EFCAB3: variants seen among roughly 807,000 people sequenced by gnomAD.
EFCAB3 encodes the protein EF-hand calcium-binding domain-containing protein 3.
Under a neutral mutation model 42.2 loss-of-function variants are expected in EFCAB3, and 36 were observed. The observed-to-expected ratio is 0.85, with a 90% CI of 0.65 to 1.13. The LOEUF is 1.13. EFCAB3 is among the 50% of genes most tolerant of loss of function. The pLI is 0.00. For synonymous variants in EFCAB3, 170 were observed against 172.8 expected (o/e 0.98, Z 0.13); for missense variants, 418 against 505.1 (o/e 0.83, Z 1.65).
chr17:62,406,396 C>A, intron 6 of EFCAB3, 84 bp from the exon 7 acceptor site: 3 of 1,098,302 alleles, frequency 2.7e-6, no homozygotes, highest in South Asian at 1.7e-5. Context: ...GTTTCTTCAG[C>A]ATATGTAACT....
At chr17:62,409,090 C>T (rs2070472741) in intron 8 of EFCAB3, among the ~76,000 whole-genome samples, 1 of 152,174 alleles carries the variant, frequency 6.6e-6, no homozygotes, top group South Asian at 2.1e-4. Context: ...CAGAGTCTTG[C>T]TCTGTTGCCC....
intron 2 of EFCAB3, among the ~76,000 whole-genome samples, chr17:62,375,529 A>G (rs189319383): frequency 4.8e-4 from 73 of 152,370 alleles, no homozygotes; most frequent in Non-Finnish European, 6.9e-4. Flanking sequence ...CCACTCTCAC[A>G]AAAGCTTAGT....
At chr17:62,397,860 T>C (rs563823583) in intron 6 of EFCAB3, 31 of 270,072 alleles carry the variant, frequency 1.1e-4, no homozygotes, top group Non-Finnish European at 1.4e-4. Flanking sequence ...CCGTCTCTAC[T>C]AAAAATTTAA....
chr17:62,383,042 C>T lies in EFCAB3; in HGVS notation c.63C>T (p.Ser21=). ...KLNPLTKVPI[S]HNKRDRDLPG... is the part of the protein sequence containing the mutation. ...ATCCTCTAACAAAAGTACCCATCTCCCACAATAAAAGGTAGGTAATGAATG... is the reference window on the plus strand; with the variant it reads ...ATCCTCTAACAAAAGTACCCATCTCTCACAATAAAAGGTAGGTAATGAATG... Residue 21 remains serine, a synonymous_variant, in exon 2 of 10, where the codon TCC becomes TCT. Coordinates refer to ENST00000305286, the MANE Select transcript of EFCAB3 (RefSeq NM_173503.4). 6.2e-7 allele frequency: 1 copy of T among 1,612,554 alleles called. No individual in the cohort carries two copies. Among genetic ancestry groups the T allele is most frequent in the Middle Eastern group, 1.7e-4 (1 of 6,054 alleles).
chr17:62,412,311 G>A (rs1336333393), intron 8 of EFCAB3, among the ~76,000 whole-genome samples: 1 of 146,102 alleles, frequency 6.8e-6, no homozygotes, highest in Admixed American at 7.0e-5. Flanking sequence ...GGGAGGCAAA[G>A]GTTGCAGTGA....
At chr17:62,392,469 G>A (rs1340842260) in intron 4 of EFCAB3, among the ~76,000 whole-genome samples, 3 of 152,060 alleles carry the variant, frequency 2.0e-5, no homozygotes, top group Non-Finnish European at 2.9e-5. Flanking sequence ...CTGTCCTGAT[G>A]TACAAAAGCA....
rs1418906400 is a variant in EFCAB3 at position 62,402,518 on chromosome 17, G to A, written c.489-3962G>A. Among the ~76,000 whole-genome samples the A allele has an allele frequency of 4.6e-5, 7 of 151,950 alleles. No homozygotes were observed. The South Asian group carries it at 8.3e-4, about 18-fold the overall frequency. On this transcript the variant is annotated intron_variant, in intron 6 of 9. Coordinates refer to ENST00000305286, the MANE Select transcript of EFCAB3 (RefSeq NM_173503.4). Reference sequence around the variant, plus strand: ...GCATGAAGCGCTGTTGAATTTTGTCGAAGGCCTTTTCTGCATCTATTGAGA... The same window carrying A: ...GCATGAAGCGCTGTTGAATTTTGTCAAAGGCCTTTTCTGCATCTATTGAGA...
intron 1 of EFCAB3, chr17:62,373,730 C>A (rs1031040755): frequency 1.3e-6 from 1 of 759,966 alleles, no homozygotes. Flanking sequence ...AGAATTTCAG[C>A]CTATTATATT....
At chr17:62,411,902 AAGGG>A (rs199538382) in intron 8 of EFCAB3, among the ~76,000 whole-genome samples, 1,912 of 5,234 alleles carry the variant, frequency 0.37, 183 homozygotes, top group East Asian at 0.59. Context: ...GGAAGGAAGG[AAGGG>A]AGGGAGGGAG....
chr17:62,372,916 T>C (rs2070124156), intron 1 of EFCAB3, among the ~76,000 whole-genome samples: 1 of 152,198 alleles, frequency 6.6e-6, no homozygotes, highest in Non-Finnish European at 1.5e-5. Context: ...AAATACCTTG[T>C]TCCTTCTTAT....
At chr17:62,409,267 G>A (rs2070474475) in intron 8 of EFCAB3, among the ~76,000 whole-genome samples, 1 of 152,146 alleles carries the variant, frequency 6.6e-6, no homozygotes, top group African/African-American at 2.4e-5. Flanking sequence ...ATGTTGGTCA[G>A]GCTGGTCTCA....
chr17:62,374,292 C>T (rs2070134314), intron 2 of EFCAB3, among the ~76,000 whole-genome samples: 1 of 152,114 alleles, frequency 6.6e-6, no homozygotes, highest in Admixed American at 6.6e-5. Context: ...GAAACCTCAT[C>T]TCTACTAAAA....
At chr17:62,412,788 T>C (rs960591426) in intron 8 of EFCAB3, among the ~76,000 whole-genome samples, 7 of 151,774 alleles carry the variant, frequency 4.6e-5, no homozygotes, top group African/African-American at 1.7e-4. Context: ...GTCTCAATTA[T>C]TAAAACAGTA....
At chr17:62,371,064 C>T (rs759739105) in intron 1 of EFCAB3, among the ~76,000 whole-genome samples, 33 of 151,148 alleles carry the variant, frequency 2.2e-4, no homozygotes, top group Non-Finnish European at 2.4e-4. Flanking sequence ...TGCATTCCAG[C>T]CTGGGCAACA....
chr17:62,411,767 CTAAA>C (rs1344888734), intron 8 of EFCAB3, among the ~76,000 whole-genome samples: 1 of 127,442 alleles, frequency 7.8e-6, no homozygotes, highest in Non-Finnish European at 1.6e-5. Flanking sequence ...CACTCTGTCT[CTAAA>C]GAAAGAAAGA....
upstream of EFCAB3, among the ~76,000 whole-genome samples, chr17:62,376,178 T>C (rs552786334): frequency 1.3e-5 from 2 of 152,228 alleles, no homozygotes; most frequent in African/African-American, 2.4e-5. Context: ...TTTTCACTTA[T>C]AAAGTTTTCT....
At chr17:62,377,560 A>G (rs2070160773), upstream of EFCAB3, among the ~76,000 whole-genome samples, 2 of 152,342 alleles carry the variant, frequency 1.3e-5, no homozygotes, top group South Asian at 4.1e-4. Flanking sequence ...CACATATTTG[A>G]TAGGATAATT....
At chr17:62,386,342 A>G (rs1365308867) in intron 2 of EFCAB3, among the ~76,000 whole-genome samples, 1 of 152,124 alleles carries the variant, frequency 6.6e-6, no homozygotes, top group Non-Finnish European at 1.5e-5. Flanking sequence ...TCCTCAATAA[A>G]TGAAAGGTCA....
At chr17:62,406,945 C>T in intron 7 of EFCAB3, 83 bp from the exon 8 acceptor site, 1 of 1,435,578 alleles carries the variant, frequency 7.0e-7, no homozygotes, top group Non-Finnish European at 9.4e-7. Context: ...ATAGACAAAG[C>T]AAAACAGGCA....
Sources: allele counts gnomAD v4.1 joint callset (sites outside exome capture counted in the v4.1 genomes callset), GRCh38; gene constraint gnomAD v4.1.1; transcripts MANE v1.5; gene names NCBI Gene and HGNC (gene_info 2026-07-23, HGNC 2026-07-21).